The following WWOX variants were observed in gnomAD, a reference collection of about 807,000 sequenced individuals.
The protein encoded by WWOX is WW domain-containing oxidoreductase.
A neutral mutation model predicts 46.2 loss-of-function variants in WWOX; 69 were observed. That is an observed-to-expected ratio of 1.49 (90% CI 1.23 to 1.82). WWOX has a LOEUF of 1.82. Ranked by LOEUF, WWOX falls within the 40% of genes most tolerant of loss-of-function variation. WWOX has a pLI of 0.00. For synonymous variants in WWOX, 359 were observed against 202.6 expected (o/e 1.77, Z -6.56); for missense variants, 919 against 542.6 (o/e 1.69, Z -6.89).
intron 8 of WWOX, among the ~76,000 whole-genome samples, chr16:78,626,090 T>C (rs996046422): frequency 2.0e-5 from 3 of 151,958 alleles, no homozygotes; most frequent in Non-Finnish European, 4.4e-5. Flanking sequence ...CCTAATGACT[T>C]TTTTGTGTTC....
chr16:78,765,406 C>CG (rs1458969367), intron 8 of WWOX, among the ~76,000 whole-genome samples: 4 of 152,142 alleles, frequency 2.6e-5, no homozygotes, highest in Non-Finnish European at 5.9e-5. Context: ...GGGCCGGGCA[C>CG]GGTGGCTCAT....
intron 8 of WWOX, among the ~76,000 whole-genome samples, chr16:79,063,382 C>T (rs193267489): frequency 1.3e-5 from 2 of 152,180 alleles, no homozygotes; most frequent in African/African-American, 4.8e-5. Context: ...TCACAACAGG[C>T]TGAATGCTGT....
At chr16:78,534,734 A>C (rs2151517571) in intron 8 of WWOX, among the ~76,000 whole-genome samples, 1 of 151,332 alleles carries the variant, frequency 6.6e-6, no homozygotes, top group Admixed American at 6.6e-5. Context: ...ATTTTTTTTG[A>C]GACAGAGTCT....
intron 8 of WWOX, among the ~76,000 whole-genome samples, chr16:79,028,371 C>T (rs1462029037): frequency 6.6e-6 from 1 of 151,880 alleles, no homozygotes; most frequent in Non-Finnish European, 1.5e-5. Context: ...TAGCTAAATT[C>T]AGTCCAGACA....
intron 8 of WWOX, among the ~76,000 whole-genome samples, chr16:78,554,696 G>C (rs2151547977): frequency 6.6e-6 from 1 of 152,188 alleles, no homozygotes; most frequent in African/African-American, 2.4e-5. Flanking sequence ...TAGGACCGTA[G>C]AGGTGGCCTA....
chr16:79,072,879 A>T (rs1293166395), intron 8 of WWOX, among the ~76,000 whole-genome samples: 1 of 152,170 alleles, frequency 6.6e-6, no homozygotes, highest in Non-Finnish European at 1.5e-5. Context: ...TCTGGCCTGA[A>T]TTTGGGCTGA....
intron 8 of WWOX, among the ~76,000 whole-genome samples, chr16:78,794,350 G>T (rs969201630): frequency 1.1e-4 from 16 of 152,026 alleles, no homozygotes; most frequent in African/African-American, 3.4e-4. Flanking sequence ...CTCTCGGTCT[G>T]TTCTGGCTCA....
intron 8 of WWOX, among the ~76,000 whole-genome samples, chr16:78,846,745 T>A (rs113313796): frequency 0.012 from 1,787 of 152,256 alleles, 20 homozygotes; most frequent in Middle Eastern, 0.031. Flanking sequence ...TGGGACTACT[T>A]CTCAAATTTT....
At chr16:78,999,787 A>G (rs992781455) in intron 8 of WWOX, among the ~76,000 whole-genome samples, 2 of 152,326 alleles carry the variant, frequency 1.3e-5, no homozygotes, top group Non-Finnish European at 2.9e-5. Flanking sequence ...TGATGGATAC[A>G]CTAAAAGTGC....
At chr16:78,920,050 G>A (rs543097482) in intron 8 of WWOX, among the ~76,000 whole-genome samples, 14 of 152,244 alleles carry the variant, frequency 9.2e-5, no homozygotes, top group South Asian at 2.1e-4. Flanking sequence ...TAGGTTTGCC[G>A]CAGTAACAAA....
chr16:78,975,668 G>A (rs1348520198), intron 8 of WWOX, among the ~76,000 whole-genome samples: 1 of 152,038 alleles, frequency 6.6e-6, no homozygotes, highest in African/African-American at 2.4e-5. Flanking sequence ...AACACCCCTG[G>A]ATGTATTGTC....
chr16:78,289,766 G>T (rs1326974249), intron 5 of WWOX, among the ~76,000 whole-genome samples: 1 of 152,140 alleles, frequency 6.6e-6, no homozygotes, highest in Non-Finnish European at 1.5e-5. Flanking sequence ...TGGCTAGGAT[G>T]GTCTGGTCCT....
rs955138487 is a variant in WWOX at position 78,962,872 on chromosome 16, T to C, written c.1057-248736T>C. The stretch of plus-strand genomic sequence containing the variant: ...ATCAGCATAGTTTTCTGTTCCTGAA[T>C]TCATATAAATAGTCACCCAGTACGC... On this transcript the variant is annotated intron_variant, in intron 8 of 8. Coordinates refer to ENST00000566780, the MANE Select transcript of WWOX (RefSeq NM_016373.4). 3.9e-5 allele frequency among the ~76,000 whole-genome samples: 6 copies of C among 152,310 alleles called. No homozygotes were observed. The South Asian group carries it at 1.2e-3, about 32-fold the overall frequency.
chr16:78,185,883 C>T (rs1041072738), intron 5 of WWOX, among the ~76,000 whole-genome samples: 2 of 152,112 alleles, frequency 1.3e-5, no homozygotes, highest in Admixed American at 6.5e-5. Context: ...CCAGGCTGGT[C>T]TTGAACTCTT....
At chr16:78,594,437 C>CCG (rs2045431604) in intron 8 of WWOX, among the ~76,000 whole-genome samples, 2 of 67,018 alleles carry the variant, frequency 3.0e-5, no homozygotes, top group African/African-American at 1.4e-4. Context: ...AGGCCCCCCC[C>CCG]CCCCCCCCGC....
intron 8 of WWOX, among the ~76,000 whole-genome samples, chr16:78,540,930 C>G (rs2043876959): frequency 6.6e-6 from 1 of 152,102 alleles, no homozygotes. Flanking sequence ...AAGTGATCCT[C>G]CTGCCTTGAG....
At chr16:79,118,465 CAG>C (rs1259994888) in intron 8 of WWOX, among the ~76,000 whole-genome samples, 1 of 152,114 alleles carries the variant, frequency 6.6e-6, no homozygotes, top group Non-Finnish European at 1.5e-5. Flanking sequence ...AAATGTGATA[CAG>C]AGACATGAAG....
chr16:78,533,717 C>G (rs935796927), intron 8 of WWOX, among the ~76,000 whole-genome samples: 1 of 152,194 alleles, frequency 6.6e-6, no homozygotes, highest in South Asian at 2.1e-4. Context: ...TGCTCCAGGT[C>G]TGAGCAGAAA....
intron 8 of WWOX, among the ~76,000 whole-genome samples, chr16:78,881,905 T>G (rs560176051): frequency 1.3e-5 from 2 of 152,284 alleles, no homozygotes; most frequent in South Asian, 4.1e-4. Context: ...GGTGGATCAC[T>G]TGAGGTCAGG....
Sources: gnomAD v4.1 joint callset for allele counts (sites outside exome capture counted in the v4.1 genomes callset) on GRCh38, gnomAD v4.1.1 for gene constraint, MANE v1.5 for transcripts, NCBI Gene and HGNC (gene_info 2026-07-23, HGNC 2026-07-21) for gene names.